The following LRPAP1 variants were observed in gnomAD, a reference collection of about 807,000 sequenced individuals.
LRPAP1 encodes the protein alpha-2-macroglobulin receptor-associated protein.
In LRPAP1, 41 loss-of-function variants were observed where a neutral mutation model predicts 39.9. The observed-to-expected ratio is 1.03, with a 90% CI of 0.80 to 1.33. LRPAP1 has a LOEUF of 1.33. Ranked by LOEUF, LRPAP1 falls within the 40% of genes most tolerant of loss-of-function variation. LRPAP1 has a pLI of 0.00. For synonymous variants in LRPAP1, 263 were observed against 212.7 expected, an observed-to-expected ratio of 1.24 and a Z score of -2.06; for missense variants, 565 against 482.3, an observed-to-expected ratio of 1.17 and a Z score of -1.61.
In LRPAP1 at chr4:3,520,141, G is replaced by A. The variant is rs757962242; in HGVS notation, c.402C>T (p.Thr134=). The A allele has an allele frequency of 1.2e-6, 2 of 1,614,176 alleles. No homozygotes were observed. Among genetic ancestry groups the A allele is most frequent in the Non-Finnish European group, 1.7e-6 (2 of 1,180,022 alleles). Residue 134 remains threonine (T), a synonymous_variant, in exon 3 of 8, where the codon ACC becomes ACT. Transcript: ENST00000650182. The stretch of plus-strand genomic sequence containing the variant: ...CCTGGGTGCCACTGAGGGAGTTGCT[G>A]GTCACCTGCCGAGCGTCCTTCTTTC... ...LDGKKDARQV[T]SNSLSGTQED...
At chr4:3,525,141 G>C (rs774220750) in intron 1 of LRPAP1, 90 bp from the exon 2 acceptor site, 2 of 1,452,202 alleles carry the variant, frequency 1.4e-6, no homozygotes, top group Non-Finnish European at 1.9e-6. Flanking sequence ...TGGCCACCGG[G>C]AGGTTCTGGG....
At chr4:3,515,066 G>A (rs1729652445) in intron 6 of LRPAP1, 138 bp from the exon 7 acceptor site, 1 of 934,642 alleles carries the variant, frequency 1.1e-6, no homozygotes, top group Non-Finnish European at 1.6e-6. Context: ...CATGGGCAAT[G>A]AGGGGGCGGC....
intron 3 of LRPAP1, 81 bp from the exon 4 acceptor site, chr4:3,519,072 G>GGCCAGGCAGGCCCTTGCCTACGTGAGT: frequency 6.4e-7 from 1 of 1,564,128 alleles, no homozygotes; most frequent in Non-Finnish European, 8.7e-7. Context: ...CACTCCTCAT[G>GGCCAGGCAGGCCCTTGCCTACGTGAGT]GCCAGGCAGG....
Position 3,532,211 on chromosome 4 carries a change from G to T in LRPAP1, c.202C>A (p.Arg68=). ...KLNQLWEKAQ[R]LHLPPVRLAE... ...CACCGACCGCGGGCCGCGCTCACTC[G>T]CTGGGCCTTCTCCCACAGCTGGTTC... The change falls in exon 1 of 8, where the codon CGA becomes AGA. Residue 68 remains arginine, a splice_region_variant and synonymous_variant. Transcript: ENST00000650182. 1 of 1,549,758 alleles carries T rather than the reference G, an allele frequency of 6.5e-7. No homozygotes were observed. The highest frequency in any genetic ancestry group is 1.2e-5 in the South Asian group (1 of 84,034).
rs982060444 is a variant in LRPAP1, at chr4:3,503,920, C to G, written c.*9054G>C. 22 of 152,482 alleles carry G rather than the reference C, an allele frequency of 1.4e-4. 1 individual carries two copies. In the East Asian group the frequency reaches 4.2e-3, roughly 29 times the overall value. 9.4% of individuals were successfully genotyped at this position (152,482 alleles called of 1,614,324 possible). A position where few individuals can be genotyped will look rare whatever the true frequency, so the allele number is the denominator to read the frequency against. ...GAGGGACCCAGGGGCCCAGGAAGGT[C>G]GTGAGCGCCAAGCACCCAGTGCTGC... On this transcript the variant is annotated 3_prime_UTR_variant, in exon 8 of 8. Coordinates refer to ENST00000650182, the MANE Select transcript of LRPAP1 (RefSeq NM_002337.4).
intron 1 of LRPAP1, among the ~76,000 whole-genome samples, chr4:3,527,740 G>C (rs977753638): frequency 6.6e-6 from 1 of 152,194 alleles, no homozygotes; most frequent in Non-Finnish European, 1.5e-5. Context: ...CTGCCTGCTG[G>C]AAAGCGGAGC....
In LRPAP1 at chr4:3,532,386, A is replaced by AAAC; in HGVS notation, c.24_26dup (p.Ser8_Phe9insLeu). 1 of 1,589,472 alleles carries AAAC rather than the reference A, an allele frequency of 6.3e-7. No individual in the cohort carries two copies. ...GTAGCAGCGCCGGGAGCCCGCGCAGAAACGACCTGACCCTCCGCGGCGCCA... is the reference window on the plus strand; with the variant it reads ...GTAGCAGCGCCGGGAGCCCGCGCAGAAACAACGACCTGACCCTCCGCGGCGCCA... On this transcript the variant is annotated inframe_insertion, in exon 1 of 8. Transcript: ENST00000650182.
chr4:3,512,797 A>G lies in LRPAP1; in HGVS notation c.*177T>C. The G allele has an allele frequency of 1.7e-6, 1 of 601,958 alleles. No homozygotes were observed. Among genetic ancestry groups the G allele is most frequent in the Non-Finnish European group, 2.9e-6 (1 of 339,468 alleles). 37.3% of individuals were successfully genotyped at this position (601,958 alleles called of 1,614,324 possible). A position where few individuals can be genotyped will look rare whatever the true frequency, so the allele number is the denominator to read the frequency against. Reference sequence around the variant, plus strand: ...GATCTCAGACCCAAATGCTACCACCACCAAGCCCTGTGTCGCGACGGCAGC... The same window carrying G: ...GATCTCAGACCCAAATGCTACCACCGCCAAGCCCTGTGTCGCGACGGCAGC... On this transcript the variant is annotated 3_prime_UTR_variant, in exon 8 of 8. Coordinates refer to ENST00000650182, the MANE Select transcript of LRPAP1 (RefSeq NM_002337.4).
intron 1 of LRPAP1, among the ~76,000 whole-genome samples, chr4:3,530,600 T>C (rs1730780): frequency 0.68 from 104,108 of 152,106 alleles, 36,326 homozygotes; most frequent in East Asian, 0.92. Flanking sequence ...CAGGGAGGTT[T>C]AGGAGACATG....
chr4:3,525,981 C>T (rs1730068963), intron 1 of LRPAP1, among the ~76,000 whole-genome samples: 1 of 152,220 alleles, frequency 6.6e-6, no homozygotes, highest in East Asian at 1.9e-4. Context: ...GGCAGGCTAG[C>T]CCTTCAGGGA....
At chr4:3,524,786 G>A in intron 2 of LRPAP1, 121 bp downstream of exon 2, 1 of 1,152,300 alleles carries the variant, frequency 8.7e-7, no homozygotes, top group South Asian at 1.4e-5. Flanking sequence ...TGGATATCCA[G>A]ATTAAGCATA....
chr4:3,521,023 C>T (rs1241505121), intron 2 of LRPAP1, among the ~76,000 whole-genome samples: 2 of 152,310 alleles, frequency 1.3e-5, no homozygotes, highest in Middle Eastern at 3.4e-3. Flanking sequence ...GGGCTGGCCT[C>T]GCCCTCCACG....
At chr4:3,519,818 T>C (rs1488972235) in intron 3 of LRPAP1, among the ~76,000 whole-genome samples, 2 of 152,234 alleles carry the variant, frequency 1.3e-5, no homozygotes, top group African/African-American at 4.8e-5. Flanking sequence ...TGACCTGAGC[T>C]GAAGGTCTGA....
At chr4:3,522,062 A>G (rs554180934) in intron 2 of LRPAP1, among the ~76,000 whole-genome samples, 1 of 152,254 alleles carries the variant, frequency 6.6e-6, no homozygotes, top group East Asian at 1.9e-4. Context: ...CAAACTTTTT[A>G]AAAAAGTGGC....
At position 3,512,912 on chromosome 4, in the gene LRPAP1, G is replaced by A. The variant is rs962700442; in HGVS notation, c.*62C>T. 94 of 1,484,686 alleles carry A rather than the reference G, an allele frequency of 6.3e-5. No homozygotes were observed. Among genetic ancestry groups the A allele is most frequent in the Non-Finnish European group, 6.9e-5 (75 of 1,090,858 alleles). 92.0% of individuals were successfully genotyped at this position (1,484,686 alleles called of 1,614,324 possible). ...GGCGGGCTGTCCACGGAAATGCCAC[G>A]GCCAAGAGCCCAGGTCCTTCACGCT... On this transcript the variant is annotated 3_prime_UTR_variant, in exon 8 of 8. Transcript: ENST00000650182.
Position 3,510,977 on chromosome 4 carries a change from GCCTCC to G in LRPAP1, c.*1992_*1996del, listed in dbSNP as rs1415354681. The G allele has an allele frequency of 6.6e-6, 1 of 152,228 alleles. No individual in the cohort carries two copies. The highest frequency in any genetic ancestry group is 1.5e-5 in the Non-Finnish European group (1 of 68,048). The allele number at this position is 152,228 out of a possible 1,614,324, so 9.4% of individuals were successfully genotyped here. ...CGGTATCTGGGTTTTTTGTGTAACT[GCCTCC>G]CCTCAACACCATGGTCTCCCACATA... On this transcript the variant is annotated 3_prime_UTR_variant, in exon 8 of 8. Transcript: ENST00000650182.
chr4:3,516,172 G>T lies in LRPAP1; in HGVS notation c.778C>A (p.Leu260Met). The change falls in exon 6 of 8, where the codon CTG (leucine) becomes ATG (methionine). Residue 260 changes from leucine (L) to methionine (M), a missense_variant. Coordinates refer to ENST00000650182, the MANE Select transcript of LRPAP1 (RefSeq NM_002337.4). ...AEFEEPRVID[L>M]WDLAQSANLT... ...TTGGCGGACTGCGCCAGGTCCCACA[G>T]GTCAATCACCCTGGGCTCCTCGAAC... The T allele has an allele frequency of 6.3e-7, 1 of 1,580,962 alleles. No homozygotes were observed. The highest frequency in any genetic ancestry group is 8.6e-7 in the Non-Finnish European group (1 of 1,163,896).
chr4:3,527,801 C>T (rs1730125098), intron 1 of LRPAP1, among the ~76,000 whole-genome samples: 1 of 152,210 alleles, frequency 6.6e-6, no homozygotes, highest in Non-Finnish European at 1.5e-5. Flanking sequence ...AGGCTCACAG[C>T]CAGGCACCAA....
At chr4:3,525,114 C>A in intron 1 of LRPAP1, 63 bp from the exon 2 acceptor site, 3 of 1,598,244 alleles carry the variant, frequency 1.9e-6, no homozygotes, top group Non-Finnish European at 2.6e-6. Context: ...CAGCGAGAAA[C>A]TGACCTCGGA....
Sources: gnomAD v4.1 joint callset for allele counts (sites outside exome capture counted in the v4.1 genomes callset) on GRCh38, gnomAD v4.1.1 for gene constraint, MANE v1.5 for transcripts, NCBI Gene and HGNC (gene_info 2026-07-23, HGNC 2026-07-21) for gene names.